USH2A: variants seen among roughly 807,000 people sequenced by gnomAD.
The protein encoded by USH2A is usherin.
A neutral mutation model predicts 538.9 loss-of-function variants in USH2A; 443 were observed. The ratio of observed to expected loss-of-function variants is 0.82; its 90% CI spans 0.76 to 0.89. USH2A has a LOEUF of 0.89. Ranked by LOEUF, USH2A falls within the 40% of genes least tolerant of loss-of-function variation. The pLI is 0.00. For missense variants in USH2A, 6,633 were observed against 6,324.8 expected (o/e 1.05, Z -1.65); for synonymous variants, 2,413 against 2,273.5 (o/e 1.06, Z -1.75).
intron 11 of USH2A, among the ~76,000 whole-genome samples, chr1:216,275,651 T>A (rs2036657759): frequency 6.6e-6 from 1 of 152,118 alleles, no homozygotes; most frequent in Admixed American, 6.6e-5. Flanking sequence ...AAAGTAACTT[T>A]ATAAAATATT....
At position 215,704,695 on chromosome 1, in the gene USH2A, A is replaced by G. The variant is rs1207812843; in HGVS notation, c.12066+23335T>C. Among the ~76,000 whole-genome samples, 5 of 152,150 alleles carry G rather than the reference A, an allele frequency of 3.3e-5. 1 individual carries two copies. Among genetic ancestry groups the G allele is most frequent in the Admixed American group, 2.6e-4 (4 of 15,272 alleles). On this transcript the variant is annotated intron_variant, in intron 61 of 71. Coordinates refer to ENST00000307340, the MANE Select transcript of USH2A (RefSeq NM_206933.4). ...CCCAGTTACAACACACTCTTCAATG[A>G]GGCTGCGCTTTTGTTCATGATTTCC...
intron 38 of USH2A, among the ~76,000 whole-genome samples, chr1:215,919,475 G>A (rs747537943): frequency 2.0e-5 from 3 of 151,886 alleles, no homozygotes; most frequent in Non-Finnish European, 4.4e-5. Context: ...AGTAGGAGGG[G>A]GGAAATTAAG....
At chr1:215,859,760 T>C (rs1452417398) in intron 44 of USH2A, among the ~76,000 whole-genome samples, 1 of 152,198 alleles carries the variant, frequency 6.6e-6, no homozygotes, top group East Asian at 1.9e-4. Context: ...CTTTAGTCCA[T>C]AACAGACGGG....
At chr1:216,039,453 C>T (rs1442858378) in intron 32 of USH2A, among the ~76,000 whole-genome samples, 1 of 151,894 alleles carries the variant, frequency 6.6e-6, no homozygotes, top group African/African-American at 2.4e-5. Flanking sequence ...ATGAGACCGT[C>T]ATCTTACCTG....
chr1:216,347,436 T>G (rs576535513), intron 4 of USH2A, among the ~76,000 whole-genome samples: 2 of 152,246 alleles, frequency 1.3e-5, no homozygotes, highest in Admixed American at 1.3e-4. Flanking sequence ...AAAATAAAAT[T>G]ACAAAGTATG....
Position 215,741,538 on chromosome 1 carries a change from CTTG to C in USH2A, c.11549-4_11549-2del. 6.2e-7 allele frequency: 1 copy of C among 1,601,284 alleles called. No individual in the cohort carries two copies. Among genetic ancestry groups the C allele is most frequent in the Admixed American group, 1.7e-5 (1 of 57,254 alleles). On this transcript the variant is annotated splice_acceptor_variant and splice_polypyrimidine_tract_variant and intron_variant, in intron 59 of 71. Transcript: ENST00000307340. LOFTEE classifies it high-confidence loss of function. Reference sequence around the variant, plus strand: ...ATCCTACTGCTAACTCCACAACTTCCTTGAAAAAAAAAAAATTGAGGTCTTTAT... The same window carrying C: ...ATCCTACTGCTAACTCCACAACTTCCAAAAAAAAAAAATTGAGGTCTTTAT...
chr1:215,874,600 A>G (rs780238702), intron 43 of USH2A, among the ~76,000 whole-genome samples: 21 of 152,156 alleles, frequency 1.4e-4, no homozygotes, highest in Non-Finnish European at 2.8e-4. Flanking sequence ...AGACCACTTG[A>G]ACTAGGAAAT....
chr1:216,230,340 C>T (rs146500165), intron 14 of USH2A, among the ~76,000 whole-genome samples: 334 of 152,232 alleles, frequency 2.2e-3, no homozygotes, highest in African/African-American at 7.7e-3. Context: ...TTACTATTTA[C>T]TGTACCATGC....
chr1:216,332,004 G>A (rs916863411), intron 4 of USH2A, among the ~76,000 whole-genome samples: 12 of 152,038 alleles, frequency 7.9e-5, no homozygotes, highest in African/African-American at 2.9e-4. Flanking sequence ...ACTGAATATT[G>A]GTAAGAACAA....
chr1:215,825,704 C>G (rs960964818), intron 47 of USH2A, among the ~76,000 whole-genome samples: 3 of 152,068 alleles, frequency 2.0e-5, no homozygotes, highest in Non-Finnish European at 2.9e-5. Context: ...ATGTAACACT[C>G]AAGTTCTTCA....
At chr1:215,808,136 A>C (rs1444172939) in intron 49 of USH2A, among the ~76,000 whole-genome samples, 1 of 152,174 alleles carries the variant, frequency 6.6e-6, no homozygotes, top group East Asian at 1.9e-4. Context: ...TAAGAATGTG[A>C]TCATGTAAAA....
chr1:215,913,606 A>G (rs957325826), intron 38 of USH2A, among the ~76,000 whole-genome samples: 1 of 152,072 alleles, frequency 6.6e-6, no homozygotes. Flanking sequence ...TTAAGCACAG[A>G]AACTACAATT....
intron 56 of USH2A, among the ~76,000 whole-genome samples, chr1:215,761,697 T>TA (rs1660986402): frequency 6.6e-6 from 1 of 152,160 alleles, no homozygotes; most frequent in Non-Finnish European, 1.5e-5. Context: ...GTCTAAAAAA[T>TA]AAAATATACA....
At chr1:216,301,351 T>C (rs772847516) in intron 9 of USH2A, among the ~76,000 whole-genome samples, 6 of 152,126 alleles carry the variant, frequency 3.9e-5, no homozygotes, top group African/African-American at 1.4e-4. Flanking sequence ...ATGATCACAA[T>C]GAGTCATCGA....
intron 47 of USH2A, among the ~76,000 whole-genome samples, chr1:215,831,593 A>C (rs2886200): frequency 0.67 from 101,627 of 151,976 alleles, 34,656 homozygotes; most frequent in African/African-American, 0.79. Flanking sequence ...ATTAAACAAT[A>C]CCCTTGTAAA....
At chr1:215,759,919 C>G in intron 56 of USH2A, 76 bp from the exon 57 acceptor site, 1 of 1,549,586 alleles carries the variant, frequency 6.5e-7, no homozygotes, top group Non-Finnish European at 8.9e-7. Context: ...CCATCCCCCC[C>G]ATGAACTGTG....
chr1:215,918,701 A>C (rs1042544484), intron 38 of USH2A, among the ~76,000 whole-genome samples: 2 of 152,134 alleles, frequency 1.3e-5, no homozygotes, highest in African/African-American at 4.8e-5. Flanking sequence ...AAACTGCTGA[A>C]AGACTTCTAA....
At chr1:216,283,487 G>T (rs76046913) in intron 11 of USH2A, among the ~76,000 whole-genome samples, 1 of 152,080 alleles carries the variant, frequency 6.6e-6, no homozygotes, top group Non-Finnish European at 1.5e-5. Context: ...TCTTTTTCCA[G>T]TCTCAATGTC....
intron 11 of USH2A, among the ~76,000 whole-genome samples, chr1:216,253,424 C>A (rs2036202631): frequency 6.6e-6 from 1 of 152,074 alleles, no homozygotes; most frequent in Admixed American, 6.6e-5. Context: ...CCTCGGCCTC[C>A]CAAATTGCTG....
Sources: allele counts gnomAD v4.1 joint callset (sites outside exome capture counted in the v4.1 genomes callset), GRCh38; gene constraint gnomAD v4.1.1; transcripts MANE v1.5; gene names NCBI Gene and HGNC (gene_info 2026-07-23, HGNC 2026-07-21).